Variants in KYNU observed in about 807,000 individuals in gnomAD.
KYNU encodes L-kynurenine hydrolase.
KYNU carries 54 observed loss-of-function variants against 59.2 expected under a neutral mutation model. The ratio of observed to expected loss-of-function variants is 0.91; its 90% CI spans 0.73 to 1.14. The LOEUF (loss-of-function observed/expected upper bound fraction) is 1.14, where lower values mean the gene tolerates loss of function less well. Among genes scored for constraint, KYNU ranks in the 50% most tolerant of loss-of-function variants. KYNU has a pLI of 0.00. For missense variants in KYNU, 567 were observed against 554.4 expected, an observed-to-expected ratio of 1.02 and a Z score of -0.23; for synonymous variants, 177 against 192.0, an observed-to-expected ratio of 0.92 and a Z score of 0.65.
rs149445858 is a variant in KYNU at position 143,021,548 on chromosome 2, C to T, written c.903-8079C>T. On this transcript the variant is annotated intron_variant, in intron 10 of 13. Transcript: ENST00000264170. ...ATCTGCTTGGCTTTTGTAGAAGTGT[C>T]GGGAAACTTACAATCATGGCAGGAG... Among the ~76,000 whole-genome samples the T allele has an allele frequency of 1.1e-4, 16 of 152,110 alleles. 1 individual carries two copies. In the East Asian group the frequency reaches 2.3e-3, roughly 22 times the overall value.
chr2:142,953,629 T>A (rs985177661), intron 4 of KYNU, among the ~76,000 whole-genome samples: 3 of 152,216 alleles, frequency 2.0e-5, no homozygotes, highest in Non-Finnish European at 4.4e-5. Flanking sequence ...TCTAGGAATA[T>A]ACAGTGAGAT....
At chr2:142,948,791 C>T (rs1845049) in intron 4 of KYNU, among the ~76,000 whole-genome samples, 13,241 of 152,196 alleles carry the variant, frequency 0.087, 1,728 homozygotes, top group African/African-American at 0.28. Context: ...ATCTCATGTC[C>T]TCACATTTCA....
chr2:142,919,777 A>C (rs763329703), intron 3 of KYNU, among the ~76,000 whole-genome samples: 29 of 152,180 alleles, frequency 1.9e-4, no homozygotes, highest in Middle Eastern at 3.2e-3. Flanking sequence ...CTACTAAAAA[A>C]ATACAAAAAT....
Position 142,960,662 on chromosome 2 carries a change from A to G in KYNU, c.621A>G (p.Val207=). 6.2e-7 allele frequency: 1 copy of G among 1,613,900 alleles called. No individual in the cohort carries two copies. The highest frequency in any genetic ancestry group is 8.5e-7 in the Non-Finnish European group (1 of 1,179,826). ...ETLRIEDILE[V]IEKEGDSIAV... ...TAAGAATAGAGGATATCCTTGAAGT[A>G]ATTGAGAAGGAAGGAGACTCAATTG... is the stretch of plus-strand genomic sequence containing the variant. The change falls in exon 8 of 14, where the codon GTA becomes GTG. Residue 207 remains valine, a synonymous_variant. Transcript: ENST00000264170.
At chr2:142,910,131 CTTTTTTT>C (rs368644903) in intron 2 of KYNU, among the ~76,000 whole-genome samples, 3 of 105,478 alleles carry the variant, frequency 2.8e-5, no homozygotes, top group Admixed American at 1.3e-4. Flanking sequence ...TGTTCTTTGC[CTTTTTTT>C]TTTTTTTTTT....
At chr2:142,908,380 G>C (rs563387227) in intron 2 of KYNU, among the ~76,000 whole-genome samples, 21 of 151,670 alleles carry the variant, frequency 1.4e-4, no homozygotes, top group African/African-American at 3.6e-4. Context: ...CTGTGACCTT[G>C]AATAATTTAA....
chr2:142,963,428 T>C (rs1456978562), intron 8 of KYNU, among the ~76,000 whole-genome samples: 2 of 152,158 alleles, frequency 1.3e-5, no homozygotes, highest in Non-Finnish European at 2.9e-5. Context: ...AAGATCAAGA[T>C]GCCAGCAGAC....
chr2:143,030,271 G>A (rs1327113445), intron 11 of KYNU, among the ~76,000 whole-genome samples: 1 of 152,112 alleles, frequency 6.6e-6, no homozygotes, highest in Non-Finnish European at 1.5e-5. Context: ...ACCAAAGAGT[G>A]TAGCAATTCC....
Position 142,957,586 on chromosome 2 carries a change from A to G in KYNU, c.508-55A>G, listed in dbSNP as rs150229388. 203 of 1,055,750 alleles carry G rather than the reference A, an allele frequency of 1.9e-4. No homozygotes were observed. The African/African-American group carries it at 2.2e-3, about 11-fold the overall frequency. The allele number at this position is 1,055,750 out of a possible 1,614,324, so 65.4% of individuals were successfully genotyped here. On this transcript the variant is annotated intron_variant, in intron 6 of 13. Transcript: ENST00000264170. ...TTTTACTTTATTATTTGTTATTTCA[A>G]TGTACTTCTGTGCTCTCAGCTTGAT...
At chr2:142,957,939 AC>A (rs1684223700) in intron 7 of KYNU, 1 of 479,714 alleles carries the variant, frequency 2.1e-6, no homozygotes, top group Non-Finnish European at 3.7e-6. Context: ...TGGCAAGCAA[AC>A]TATTTTTCTG....
chr2:143,026,846 G>T (rs1359592669), intron 10 of KYNU, among the ~76,000 whole-genome samples: 2 of 152,232 alleles, frequency 1.3e-5, no homozygotes, highest in African/African-American at 2.4e-5. Context: ...AAGAGCCAGT[G>T]TGACAGCCAG....
chr2:142,997,247 A>G (rs942116847), intron 10 of KYNU, among the ~76,000 whole-genome samples: 3 of 152,178 alleles, frequency 2.0e-5, no homozygotes, highest in Non-Finnish European at 2.9e-5. Flanking sequence ...TAAACAAAAC[A>G]AGATTTGTGG....
intron 1 of KYNU, among the ~76,000 whole-genome samples, chr2:142,878,072 C>T (rs202207802): frequency 3.3e-5 from 5 of 152,026 alleles, no homozygotes; most frequent in African/African-American, 7.3e-5. Flanking sequence ...AAACTCCAGA[C>T]GAGGGAAAGA....
chr2:143,038,039 A>G (rs1165900069), intron 12 of KYNU, among the ~76,000 whole-genome samples: 1 of 152,172 alleles, frequency 6.6e-6, no homozygotes, highest in African/African-American at 2.4e-5. Context: ...ATTGGTTTCT[A>G]GTTATCAAGA....
chr2:142,879,271 TG>T (rs1214430140), intron 1 of KYNU, among the ~76,000 whole-genome samples: 2 of 152,304 alleles, frequency 1.3e-5, no homozygotes, highest in East Asian at 3.9e-4. Flanking sequence ...CATGCGAAGT[TG>T]TGCAAGTGGT....
At chr2:142,949,407 C>A (rs1285618566) in intron 4 of KYNU, among the ~76,000 whole-genome samples, 2 of 152,240 alleles carry the variant, frequency 1.3e-5, no homozygotes, top group African/African-American at 2.4e-5. Context: ...AGGATCCCAC[C>A]TCTACAGCAA....
rs574236989 is a variant in KYNU, at chr2:143,046,749, A to C, written c.*4577A>C. 12 of 152,148 alleles carry C rather than the reference A, an allele frequency of 7.9e-5. 1 individual carries two copies. In the South Asian group the frequency reaches 2.5e-3, roughly 32 times the overall value. The allele number at this position is 152,148 out of a possible 1,614,324, so 9.4% of individuals were successfully genotyped here. A position where few individuals can be genotyped will look rare whatever the true frequency, so the allele number is the denominator to read the frequency against. On this transcript the variant is annotated 3_prime_UTR_variant, in exon 14 of 14. Transcript: ENST00000264170. The stretch of plus-strand genomic sequence containing the variant: ...GCTTCTTTTTATTAAGATTGCCCTG[A>C]ATTGTCCTGGTTATCCTGGGCCCCC...
chr2:142,982,507 C>T (rs553551088), intron 8 of KYNU, among the ~76,000 whole-genome samples: 1 of 152,154 alleles, frequency 6.6e-6, no homozygotes, highest in South Asian at 2.1e-4. Flanking sequence ...GAAACAGAGA[C>T]TTGCTTTTTT....
Position 142,985,152 on chromosome 2 carries a change from A to G in KYNU, c.798A>G (p.Gly266=), listed in dbSNP as rs761506774. The change falls in exon 9 of 14, where the codon GGA becomes GGG. Residue 266 remains glycine (G), a synonymous_variant. Transcript: ENST00000264170. ...TTGAACTCTACTTACATGACTGGGG[A>G]GTTGATTTTGCCTGCTGGTGTTCCT... ...GNVELYLHDW[G]VDFACWCSYK... 6.2e-7 allele frequency: 1 copy of G among 1,610,612 alleles called. No individual in the cohort carries two copies. The highest frequency in any genetic ancestry group is 1.1e-5 in the South Asian group (1 of 91,022).
Sources: gnomAD v4.1 joint callset for allele counts (sites outside exome capture counted in the v4.1 genomes callset) on GRCh38, gnomAD v4.1.1 for gene constraint, MANE v1.5 for transcripts, NCBI Gene and HGNC (gene_info 2026-07-23, HGNC 2026-07-21) for gene names.